The following AGBL4 variants were observed in gnomAD, a reference collection of about 807,000 sequenced individuals.
AGBL4 encodes the protein AGBL carboxypeptidase 4.
A neutral mutation model predicts 66.4 loss-of-function variants in AGBL4; 58 were observed. That is an observed-to-expected ratio of 0.87 (90% CI 0.71 to 1.09). The LOEUF is 1.09. AGBL4 is among the 50% of genes least tolerant of loss of function. The pLI is 0.00. For synonymous variants in AGBL4, 234 were observed against 222.9 expected, an observed-to-expected ratio of 1.05 and a Z score of -0.44; for missense variants, 579 against 631.0, an observed-to-expected ratio of 0.92 and a Z score of 0.88.
At chr1:49,964,597 G>C (rs967615276) in intron 1 of AGBL4, among the ~76,000 whole-genome samples, 5 of 151,924 alleles carry the variant, frequency 3.3e-5, no homozygotes, top group Non-Finnish European at 7.4e-5. Context: ...ATTAGATACT[G>C]TAATATTCAT....
At chr1:49,655,539 G>A (rs967078655) in intron 3 of AGBL4, among the ~76,000 whole-genome samples, 13 of 152,150 alleles carry the variant, frequency 8.5e-5, no homozygotes, top group African/African-American at 3.1e-4. Flanking sequence ...GAATCTCTGG[G>A]ACACACTTAA....
chr1:49,377,321 A>C (rs936056331), intron 3 of AGBL4, among the ~76,000 whole-genome samples: 1 of 152,050 alleles, frequency 6.6e-6, no homozygotes, highest in Admixed American at 6.6e-5. Flanking sequence ...AATAATTCTT[A>C]TCTCTTTTAA....
chr1:49,675,771 A>G (rs1321734705), intron 3 of AGBL4, among the ~76,000 whole-genome samples: 2 of 152,074 alleles, frequency 1.3e-5, no homozygotes, highest in Non-Finnish European at 2.9e-5. Context: ...CACAGGGAGA[A>G]AGAGCATATA....
chr1:49,796,869 G>A (rs1264363069), intron 2 of AGBL4, among the ~76,000 whole-genome samples: 1 of 151,920 alleles, frequency 6.6e-6, no homozygotes, highest in African/African-American at 2.4e-5. Context: ...AGTTATGCAA[G>A]ATGAGTAAGT....
intron 4 of AGBL4, among the ~76,000 whole-genome samples, chr1:49,057,007 T>C (rs1644320227): frequency 6.6e-6 from 1 of 152,208 alleles, no homozygotes; most frequent in South Asian, 2.1e-4. Context: ...TCTACTACAT[T>C]TCCATGTTTT....
intron 5 of AGBL4, among the ~76,000 whole-genome samples, chr1:49,002,165 A>G (rs959886599): frequency 6.6e-6 from 1 of 152,238 alleles, no homozygotes; most frequent in African/African-American, 2.4e-5. Flanking sequence ...ATGTATAAGC[A>G]GCATTCTATG....
intron 6 of AGBL4, among the ~76,000 whole-genome samples, chr1:48,806,493 T>A (rs1281583470): frequency 6.6e-6 from 1 of 152,228 alleles, no homozygotes; most frequent in Non-Finnish European, 1.5e-5. Context: ...CCTACATTGA[T>A]CTTTGTTCTG....
chr1:49,351,711 C>T (rs1338212), intron 3 of AGBL4, among the ~76,000 whole-genome samples: 3,365 of 152,210 alleles, frequency 0.022, 132 homozygotes, highest in African/African-American at 0.077. Flanking sequence ...CCACAGAAGT[C>T]ATGAGTTATG....
intron 3 of AGBL4, among the ~76,000 whole-genome samples, chr1:49,591,392 C>A (rs1161425275): frequency 6.6e-6 from 1 of 151,370 alleles, no homozygotes; most frequent in Non-Finnish European, 1.5e-5. Flanking sequence ...AACTTGTTAT[C>A]AAAAATTACT....
At chr1:48,792,513 T>C (rs1222111039) in intron 6 of AGBL4, among the ~76,000 whole-genome samples, 1 of 152,190 alleles carries the variant, frequency 6.6e-6, no homozygotes, top group Non-Finnish European at 1.5e-5. Context: ...ATTTATTAAA[T>C]TATGTAATCT....
At chr1:49,845,890 G>C in intron 2 of AGBL4, 3 of 1,417,700 alleles carry the variant, frequency 2.1e-6, no homozygotes, top group Non-Finnish European at 3.0e-6. Flanking sequence ...TCACACACCA[G>C]CAAATCCACA....
intron 4 of AGBL4, among the ~76,000 whole-genome samples, chr1:49,124,279 A>G (rs1645721254): frequency 6.6e-6 from 1 of 152,212 alleles, no homozygotes. Flanking sequence ...TTTGCAATGA[A>G]GAGTCCTCTA....
intron 3 of AGBL4, among the ~76,000 whole-genome samples, chr1:49,320,916 A>G (rs1292465480): frequency 6.6e-6 from 1 of 152,152 alleles, no homozygotes; most frequent in Non-Finnish European, 1.5e-5. Context: ...CAGGAGAGAG[A>G]AAGAGTGAAA....
At chr1:48,612,628 C>G (rs879744597) in intron 9 of AGBL4, among the ~76,000 whole-genome samples, 2 of 152,120 alleles carry the variant, frequency 1.3e-5, no homozygotes, top group Non-Finnish European at 2.9e-5. Flanking sequence ...TATCTTGCAC[C>G]TACAGACAGA....
chr1:48,642,690 G>A (rs1645776429), intron 8 of AGBL4, among the ~76,000 whole-genome samples: 1 of 152,162 alleles, frequency 6.6e-6, no homozygotes, highest in Admixed American at 6.5e-5. Context: ...CAATGATAAG[G>A]AGTTTACTCC....
chr1:48,687,791 C>T (rs867851352), intron 6 of AGBL4, among the ~76,000 whole-genome samples: 1 of 152,232 alleles, frequency 6.6e-6, no homozygotes, highest in Non-Finnish European at 1.5e-5. Context: ...CCAGCACCCT[C>T]GGCTGGCACT....
At chr1:48,623,820 G>T (rs1459939238) in intron 9 of AGBL4, among the ~76,000 whole-genome samples, 2 of 152,190 alleles carry the variant, frequency 1.3e-5, no homozygotes, top group Admixed American at 1.3e-4. Flanking sequence ...TATATGGGAG[G>T]AGTAACAAAT....
rs544688337 is a variant in AGBL4, at chr1:49,426,767, C to T, written c.283-180903G>A. Among the ~76,000 whole-genome samples, 6 of 152,276 alleles carry T rather than the reference C, an allele frequency of 3.9e-5. No individual in the cohort carries two copies. The South Asian group carries it at 1.2e-3, about 32-fold the overall frequency. On this transcript the variant is annotated intron_variant, in intron 3 of 13. Coordinates refer to ENST00000371839, the MANE Select transcript of AGBL4 (RefSeq NM_032785.4). ...GAGGATTAAGTAGCCTGACCAGAGT[C>T]TACAGAAAGTATTATGTTCAGATCT...
intron 4 of AGBL4, among the ~76,000 whole-genome samples, chr1:49,244,202 A>G (rs962286347): frequency 4.6e-5 from 7 of 151,720 alleles, no homozygotes; most frequent in Non-Finnish European, 1.5e-5. Context: ...CAGAATATGG[A>G]AAAATATATA....
Sources: gnomAD v4.1 joint callset for allele counts (sites outside exome capture counted in the v4.1 genomes callset) on GRCh38, gnomAD v4.1.1 for gene constraint, MANE v1.5 for transcripts, NCBI Gene and HGNC (gene_info 2026-07-23, HGNC 2026-07-21) for gene names.